MYL12A: variants seen among roughly 807,000 people sequenced by gnomAD.
The protein encoded by MYL12A is myosin light chain 12A.
MYL12A carries 11 observed loss-of-function variants against 13.3 expected under a neutral mutation model. The ratio of observed to expected loss-of-function variants is 0.83; its 90% CI spans 0.52 to 1.37. MYL12A has a LOEUF of 1.37. MYL12A is among the 40% of genes most tolerant of loss of function. The pLI is 0.00. For missense variants in MYL12A, 146 were observed against 212.3 expected (o/e 0.69, Z 1.94); for synonymous variants, 51 against 69.9 (o/e 0.73, Z 1.35).
intron 1 of MYL12A, among the ~76,000 whole-genome samples, chr18:3,250,528 A>C (rs2081474410): frequency 6.6e-6 from 1 of 152,230 alleles, no homozygotes; most frequent in South Asian, 2.1e-4. Context: ...GTGACTGTGC[A>C]GCCAAACTCC....
chr18:3,251,037 G>A (rs1408806867), intron 1 of MYL12A, among the ~76,000 whole-genome samples: 2 of 150,794 alleles, frequency 1.3e-5, no homozygotes, highest in African/African-American at 2.4e-5. Context: ...TTAATATGAC[G>A]TTTGATACAT....
At chr18:3,255,674 C>G in intron 3 of MYL12A, 72 bp from the exon 4 acceptor site, 2 of 1,506,144 alleles carry the variant, frequency 1.3e-6, no homozygotes, top group South Asian at 1.3e-5. Context: ...CATGCTTAGT[C>G]AAGTATAGAT....
rs546004261 is a variant in MYL12A at position 3,255,995 on chromosome 18, C to T, written c.*77C>T. On this transcript the variant is annotated 3_prime_UTR_variant, in exon 4 of 4. Coordinates refer to ENST00000217652, the MANE Select transcript of MYL12A (RefSeq NM_006471.4). Reference sequence around the variant, plus strand: ...GAGATTTTCTCTTGCATGCCCTTAGCTTTACAGCTTTTGCATTTCCTGTTG... The same window carrying T: ...GAGATTTTCTCTTGCATGCCCTTAGTTTTACAGCTTTTGCATTTCCTGTTG... 159 of 1,523,054 alleles carry T rather than the reference C, an allele frequency of 1.0e-4. No homozygotes were observed. In the African/African-American group the frequency reaches 1.9e-3, roughly 18 times the overall value. The allele number at this position is 1,523,054 out of a possible 1,614,324, so 94.3% of individuals were successfully genotyped here.
intron 1 of MYL12A, among the ~76,000 whole-genome samples, chr18:3,250,370 A>C (rs1172735856): frequency 9.1e-6 from 1 of 110,254 alleles, no homozygotes; most frequent in Non-Finnish European, 1.9e-5. Context: ...AACTAGAATC[A>C]GCAAAGAGGA....
chr18:3,256,148 C>T lies in MYL12A; in HGVS notation c.*230C>T. ...CCTACCAGCCCTTCTCCCCCAATAA[C>T]TGTGGTCTATACAGAGTCAATATAT... On this transcript the variant is annotated 3_prime_UTR_variant, in exon 4 of 4. Transcript: ENST00000217652. 1.8e-6 allele frequency: 1 copy of T among 568,728 alleles called. No individual in the cohort carries two copies. Among genetic ancestry groups the T allele is most frequent in the Non-Finnish European group, 3.1e-6 (1 of 327,400 alleles). The allele number at this position is 568,728 out of a possible 1,614,324, so 35.2% of individuals were successfully genotyped here. A position where few individuals can be genotyped will look rare whatever the true frequency, so the allele number is the denominator to read the frequency against.
chr18:3,253,074 T>C (rs2144329080), intron 1 of MYL12A, among the ~76,000 whole-genome samples, 159 bp from the exon 2 acceptor site: 1 of 152,344 alleles, frequency 6.6e-6, no homozygotes, highest in East Asian at 1.9e-4. Flanking sequence ...AGGACATATG[T>C]AATCTTGTTG....
rs915711021 is a variant in MYL12A, at chr18:3,247,843, A to G, written c.-82A>G. The G allele has an allele frequency of 1.4e-4, 22 of 152,172 alleles. No homozygotes were observed. The highest frequency in any genetic ancestry group is 5.1e-4 in the African/African-American group (21 of 41,440). The allele number at this position is 152,172 out of a possible 1,614,324, so 9.4% of individuals were successfully genotyped here. A position where few individuals can be genotyped will look rare whatever the true frequency, so the allele number is the denominator to read the frequency against. On this transcript the variant is annotated 5_prime_UTR_variant, in exon 1 of 4. Transcript: ENST00000217652. ...GGTGGTTTTTAGCGGCTCTCTGGGT[A>G]GCAGGGTGGTGTGATAGCGGCAGCG...
rs917951101 is a variant in MYL12A, at chr18:3,247,894, C to G, written c.-31C>G. 1 of 152,204 alleles carries G rather than the reference C, an allele frequency of 6.6e-6. No individual in the cohort carries two copies. Among genetic ancestry groups the G allele is most frequent in the African/African-American group, 2.4e-5 (1 of 41,456 alleles). 9.4% of individuals were successfully genotyped at this position (152,204 alleles called of 1,614,324 possible). ...AGGGGCTCGGAGAGGTGCTCGGATT[C>G]TCGTAGCTGTGCCGGGTGAGTGGCG... On this transcript the variant is annotated 5_prime_UTR_variant, in exon 1 of 4. Coordinates refer to ENST00000217652, the MANE Select transcript of MYL12A (RefSeq NM_006471.4).
chr18:3,254,115 C>T, intron 3 of MYL12A, 65 bp downstream of exon 3: 2 of 1,531,452 alleles, frequency 1.3e-6, no homozygotes, highest in South Asian at 1.2e-5. Flanking sequence ...CTAAAATATA[C>T]AGTAACTTAA....
intron 1 of MYL12A, chr18:3,252,439 C>T (rs2081495623): frequency 7.6e-7 from 1 of 1,317,048 alleles, no homozygotes; most frequent in East Asian, 2.7e-5. Context: ...TATTATTAGA[C>T]ATTCTTTTTA....
At chr18:3,249,876 G>T (rs1210735075) in intron 1 of MYL12A, 1 of 151,814 alleles carries the variant, frequency 6.6e-6, no homozygotes. Flanking sequence ...CACCCTGGGC[G>T]ACAGAGCAAG....
At chr18:3,252,045 G>A (rs532324301) in intron 1 of MYL12A, among the ~76,000 whole-genome samples, 3 of 152,046 alleles carry the variant, frequency 2.0e-5, no homozygotes, top group Admixed American at 6.6e-5. Context: ...TAAACACATC[G>A]GAAACACATT....
rs1205649731 is a variant in MYL12A, at chr18:3,251,021, ACAT to A, written c.-15-2211_-15-2209del. Among the ~76,000 whole-genome samples the A allele has an allele frequency of 4.1e-5, 6 of 147,194 alleles. No individual in the cohort carries two copies. The East Asian group carries it at 6.3e-4, about 15-fold the overall frequency. On this transcript the variant is annotated intron_variant, in intron 1 of 3. Transcript: ENST00000217652. ...TTTCTTAACTCTTAGCTAGTATTCA[ACAT>A]AATTAATATGACGTTTGATACATAT...
At chr18:3,250,276 C>G (rs938915339) in intron 1 of MYL12A, among the ~76,000 whole-genome samples, 1 of 152,142 alleles carries the variant, frequency 6.6e-6, no homozygotes, top group Non-Finnish European at 1.5e-5. Context: ...TTCTAAACTT[C>G]GATGAGAGTT....
intron 1 of MYL12A, among the ~76,000 whole-genome samples, 194 bp from the exon 2 acceptor site, chr18:3,253,039 G>C (rs1448489495): frequency 1.3e-5 from 2 of 152,110 alleles, no homozygotes; most frequent in Non-Finnish European, 2.9e-5. Flanking sequence ...TTGGTTATCA[G>C]CTGTTGTTAG....
intron 1 of MYL12A, chr18:3,252,517 G>A: frequency 1.6e-6 from 2 of 1,213,904 alleles, no homozygotes; most frequent in Non-Finnish European, 2.2e-6. Flanking sequence ...CGTTTAAGAT[G>A]TTTTCTAAAA....
chr18:3,256,194 G>A lies in MYL12A; in HGVS notation c.*276G>A, dbSNP rs891888972. Reference sequence around the variant, plus strand: ...TATATTTTTTCAGAGAAAGTTATTCGCTCGATTTTTTCTGAATCATAATTA... The same window carrying A: ...TATATTTTTTCAGAGAAAGTTATTCACTCGATTTTTTCTGAATCATAATTA... On this transcript the variant is annotated 3_prime_UTR_variant, in exon 4 of 4. Transcript: ENST00000217652. The A allele has an allele frequency of 9.4e-6, 3 of 319,738 alleles. No individual in the cohort carries two copies. The highest frequency in any genetic ancestry group is 5.0e-5 in the Admixed American group (1 of 19,840). The allele number at this position is 319,738 out of a possible 1,614,324, so 19.8% of individuals were successfully genotyped here.
At chr18:3,253,799 G>A (rs982816134) in intron 2 of MYL12A, 90 bp from the exon 3 acceptor site, 1 of 1,362,358 alleles carries the variant, frequency 7.3e-7, no homozygotes, top group Non-Finnish European at 1.0e-6. Flanking sequence ...CTGTATGAAT[G>A]ATAATCTTTG....
chr18:3,254,088 A>G (rs984663910), intron 3 of MYL12A, 38 bp downstream of exon 3: 3 of 1,592,854 alleles, frequency 1.9e-6, no homozygotes, highest in Non-Finnish European at 2.6e-6. Context: ...AAGTGATTTA[A>G]TTTTTAGTTA....
Sources: gnomAD v4.1 joint callset for allele counts (sites outside exome capture counted in the v4.1 genomes callset) on GRCh38, gnomAD v4.1.1 for gene constraint, MANE v1.5 for transcripts, NCBI Gene and HGNC (gene_info 2026-07-23, HGNC 2026-07-21) for gene names.